MYLK3: variants seen among roughly 807,000 people sequenced by gnomAD.
MYLK3 encodes MLC kinase.
A neutral mutation model predicts 76.3 loss-of-function variants in MYLK3; 55 were observed. The observed-to-expected ratio is 0.72, with a 90% CI of 0.58 to 0.90. The LOEUF is 0.90. Ranked by LOEUF, MYLK3 falls within the 40% of genes least tolerant of loss-of-function variation. The pLI, the probability that MYLK3 is intolerant of heterozygous loss-of-function variation, is 0.00. For missense variants in MYLK3, 973 were observed against 1,053.6 expected (o/e 0.92, Z 1.06); for synonymous variants, 416 against 425.4 (o/e 0.98, Z 0.27).
chr16:46,749,774 G>T (rs780621501), upstream of MYLK3, among the ~76,000 whole-genome samples: 6 of 152,184 alleles, frequency 3.9e-5, no homozygotes, highest in Non-Finnish European at 8.8e-5. Flanking sequence ...TAGAGGTTTT[G>T]CTATGTTAGA....
intron 7 of MYLK3, among the ~76,000 whole-genome samples, chr16:46,728,806 A>G (rs1966847054): frequency 6.6e-6 from 1 of 152,218 alleles, no homozygotes; most frequent in African/African-American, 2.4e-5. Flanking sequence ...TGCAGGTCAA[A>G]TCAGGCTCAC....
chr16:46,730,688 C>T lies in MYLK3; in HGVS notation c.1473G>A (p.Pro491=), dbSNP rs201774556. The T allele has an allele frequency of 7.4e-6, 12 of 1,613,922 alleles. No individual in the cohort carries two copies. The highest frequency in any genetic ancestry group is 1.7e-4 in the Middle Eastern group (1 of 6,060). Residue 491 remains proline (P), a synonymous_variant, in exon 5 of 13, where the codon CCG becomes CCA. Coordinates refer to ENST00000394809, the MANE Select transcript of MYLK3 (RefSeq NM_182493.3). ...GGTGTTCAAAAGGAGCTGGTGGGGC[C>T]GGACTGTCATCTGCTCAGGAGGCAA... ...EAGSVVLDDS[P]APPAPFEHRV...
At chr16:46,722,835 G>A (rs976512776) in intron 8 of MYLK3, among the ~76,000 whole-genome samples, 4 of 152,136 alleles carry the variant, frequency 2.6e-5, no homozygotes, top group East Asian at 1.9e-4. Flanking sequence ...TCAGCCTCCC[G>A]AGTAGCTGGG....
chr16:46,714,568 A>C (rs564995239), intron 9 of MYLK3, among the ~76,000 whole-genome samples: 1 of 152,198 alleles, frequency 6.6e-6, no homozygotes, highest in East Asian at 1.9e-4. Context: ...ACTCCAACTA[A>C]GGGAAGAGCC....
At chr16:46,742,954 T>C (rs1966958581) in intron 1 of MYLK3, among the ~76,000 whole-genome samples, 1 of 152,226 alleles carries the variant, frequency 6.6e-6, no homozygotes, top group African/African-American at 2.4e-5. Context: ...TTGGACAGAC[T>C]GTCCTTTGGC....
intron 9 of MYLK3, among the ~76,000 whole-genome samples, chr16:46,717,179 A>G (rs1277648612): frequency 6.6e-6 from 1 of 152,058 alleles, no homozygotes; most frequent in African/African-American, 2.4e-5. Flanking sequence ...TGAGCCCTCA[A>G]CCTGTGGGAT....
Position 46,704,010 on chromosome 16 carries a change from T to A in MYLK3, c.*3694A>T, listed in dbSNP as rs1966601951. 6.5e-6 allele frequency: 1 copy of A among 153,270 alleles called. No homozygotes were observed. Among genetic ancestry groups the A allele is most frequent in the Non-Finnish European group, 1.5e-5 (1 of 68,042 alleles). The allele number at this position is 153,270 out of a possible 1,614,324, so 9.5% of individuals were successfully genotyped here. A position where few individuals can be genotyped will look rare whatever the true frequency, so the allele number is the denominator to read the frequency against. On this transcript the variant is annotated 3_prime_UTR_variant, in exon 13 of 13. Coordinates refer to ENST00000394809, the MANE Select transcript of MYLK3 (RefSeq NM_182493.3). ...AACAACTTGAGTATGTAAATACATT[T>A]TCCACAGTAAGTTTTAAGAAATCTA...
chr16:46,713,497 C>A (rs1431246072), intron 9 of MYLK3, among the ~76,000 whole-genome samples: 1 of 152,080 alleles, frequency 6.6e-6, no homozygotes, highest in East Asian at 1.9e-4. Context: ...TACACCCAGC[C>A]GGTATATATG....
rs1966616484 is a variant in MYLK3, at chr16:46,705,619, T to C, written c.*2085A>G. ...AAGTAAGGAAATTTTAAAGATTGTA[T>C]ATTTTTTCATAATAAAGTACTCCTT... On this transcript the variant is annotated 3_prime_UTR_variant, in exon 13 of 13. Coordinates refer to ENST00000394809, the MANE Select transcript of MYLK3 (RefSeq NM_182493.3). 1 of 152,226 alleles carries C rather than the reference T, an allele frequency of 6.6e-6. No individual in the cohort carries two copies. The highest frequency in any genetic ancestry group is 1.5e-5 in the Non-Finnish European group (1 of 68,042). 9.4% of individuals were successfully genotyped at this position (152,226 alleles called of 1,614,324 possible). A position where few individuals can be genotyped will look rare whatever the true frequency, so the allele number is the denominator to read the frequency against.
chr16:46,718,199 C>T lies in MYLK3; in HGVS notation c.1985+2924G>A, dbSNP rs147358059. On this transcript the variant is annotated intron_variant, in intron 9 of 12. Coordinates refer to ENST00000394809, the MANE Select transcript of MYLK3 (RefSeq NM_182493.3). Reference sequence around the variant, plus strand: ...AAAGGGCTCACTACAGGGCAGGCAGCGATAATGAAATAGGTTGAGAAACAC... The same window carrying T: ...AAAGGGCTCACTACAGGGCAGGCAGTGATAATGAAATAGGTTGAGAAACAC... Among the ~76,000 whole-genome samples, 41 of 152,156 alleles carry T rather than the reference C, an allele frequency of 2.7e-4. No individual in the cohort carries two copies. In the East Asian group the frequency reaches 7.3e-3, roughly 27 times the overall value.
At chr16:46,723,376 T>C (rs970151747) in intron 8 of MYLK3, among the ~76,000 whole-genome samples, 1 of 152,254 alleles carries the variant, frequency 6.6e-6, no homozygotes, top group Non-Finnish European at 1.5e-5. Flanking sequence ...ATATTTTGTT[T>C]ATCCGTTAAC....
intron 1 of MYLK3, among the ~76,000 whole-genome samples, chr16:46,742,719 T>G (rs947092730): frequency 1.3e-5 from 2 of 152,144 alleles, no homozygotes; most frequent in Non-Finnish European, 2.9e-5. Context: ...ACATAGCACA[T>G]GGAGAACACA....
intron 9 of MYLK3, among the ~76,000 whole-genome samples, chr16:46,720,177 C>A (rs1469115815): frequency 6.6e-6 from 1 of 152,138 alleles, no homozygotes; most frequent in Non-Finnish European, 1.5e-5. Context: ...GACTCCATCT[C>A]AAAATAATAA....
chr16:46,707,463 T>A lies in MYLK3; in HGVS notation c.*241A>T. ...ACACTTACCACCAAAAGTAGGTATA[T>A]TTGAAAGGTACTCAGAGCATTTCAC... On this transcript the variant is annotated 3_prime_UTR_variant, in exon 13 of 13. Transcript: ENST00000394809. The A allele has an allele frequency of 2.3e-6, 1 of 440,810 alleles. No homozygotes were observed. Among genetic ancestry groups the A allele is most frequent in the Non-Finnish European group, 4.0e-6 (1 of 249,004 alleles). The allele number at this position is 440,810 out of a possible 1,614,324, so 27.3% of individuals were successfully genotyped here.
chr16:46,751,245 T>C (rs890959020), upstream of MYLK3, among the ~76,000 whole-genome samples: 13 of 151,938 alleles, frequency 8.6e-5, no homozygotes, highest in African/African-American at 3.1e-4. Flanking sequence ...ACCCCATCTC[T>C]ACTAAAAATA....
At chr16:46,763,109 T>C in exon 1 of MYLK3, 10 of 984,568 alleles carry the variant, frequency 1.0e-5, no homozygotes, top group Non-Finnish European at 1.2e-5. Flanking sequence ...GTGAGATGTA[T>C]AAATATTGTT....
chr16:46,747,758 C>T lies in MYLK3; in HGVS notation c.436G>A (p.Val146Met), dbSNP rs1333222341. 6.8e-6 allele frequency: 11 copies of T among 1,614,036 alleles called. No homozygotes were observed. In the Admixed American group the frequency reaches 1.7e-4, roughly 24 times the overall value. The change falls in exon 1 of 13, where the codon GTG (valine) becomes ATG (methionine). Residue 146 changes from valine to methionine, a missense_variant. Around this residue, in one of 2 missense-constraint regions of MYLK3, gnomAD observed 641 missense variants for 637.0 expected, o/e 1.01. Coordinates refer to ENST00000394809, the MANE Select transcript of MYLK3 (RefSeq NM_182493.3). ...CCTGGGCTGCCTCTCCTCCAGGGCA[C>T]ACGCCCCTGCATGAGGAAATCCGCC... ...KVADFLMQGRVPWRRGSPGDS... is the reference protein window; with the variant it reads ...KVADFLMQGRMPWRRGSPGDS...
intron 2 of MYLK3, 149 bp from the exon 3 acceptor site, chr16:46,738,292 C>G: frequency 1.5e-6 from 1 of 686,538 alleles, no homozygotes; most frequent in East Asian, 2.8e-5. Flanking sequence ...GGCTGGTTGA[C>G]TAAACCATGA....
At chr16:46,729,358 C>T (rs560366596) in intron 6 of MYLK3, among the ~76,000 whole-genome samples, 2 of 152,308 alleles carry the variant, frequency 1.3e-5, no homozygotes, top group South Asian at 4.1e-4. Flanking sequence ...AAGGACAGGA[C>T]CTTCTTGCCC....
Sources: gnomAD v4.1 joint callset for allele counts (sites outside exome capture counted in the v4.1 genomes callset) on GRCh38, gnomAD v4.1.1 for gene constraint, gnomAD v4.1.1 regional missense constraint, MANE v1.5 for transcripts, NCBI Gene and HGNC (gene_info 2026-07-23, HGNC 2026-07-21) for gene names.